LRRTM4: variants seen among roughly 807,000 people sequenced by gnomAD.
LRRTM4 encodes leucine rich repeat transmembrane neuronal 4.
A neutral mutation model predicts 47.6 loss-of-function variants in LRRTM4; 25 were observed. That is an observed-to-expected ratio of 0.53 (90% CI 0.38 to 0.73). The LOEUF is 0.73. LRRTM4 is among the 30% of genes least tolerant of loss of function. The pLI is 0.00. For synonymous variants in LRRTM4, 311 were observed against 269.5 expected, an observed-to-expected ratio of 1.15 and a Z score of -1.51; for missense variants, 638 against 713.4, an observed-to-expected ratio of 0.89 and a Z score of 1.20.
intron 3 of LRRTM4, among the ~76,000 whole-genome samples, chr2:76,766,836 A>G (rs1232206005): frequency 6.6e-6 from 1 of 152,188 alleles, no homozygotes; most frequent in African/African-American, 2.4e-5. Context: ...GTTTCTAAAC[A>G]TGCTACAATG....
intron 3 of LRRTM4, among the ~76,000 whole-genome samples, chr2:77,219,640 C>A (rs1356395480): frequency 6.6e-6 from 1 of 152,116 alleles, no homozygotes; most frequent in Non-Finnish European, 1.5e-5. Context: ...GACATTTTTG[C>A]ATCTTGGAAT....
At chr2:77,152,672 A>G (rs1188547566) in intron 3 of LRRTM4, among the ~76,000 whole-genome samples, 3 of 152,250 alleles carry the variant, frequency 2.0e-5, no homozygotes, top group Non-Finnish European at 2.9e-5. Context: ...TAGAGATAGT[A>G]ATTATACTTC....
At chr2:77,126,558 T>C (rs889452931) in intron 3 of LRRTM4, among the ~76,000 whole-genome samples, 1 of 152,184 alleles carries the variant, frequency 6.6e-6, no homozygotes, top group African/African-American at 2.4e-5. Context: ...AGAGACTATT[T>C]AAGAAAGACA....
At chr2:77,300,138 C>T (rs768900403) in intron 3 of LRRTM4, among the ~76,000 whole-genome samples, 3 of 152,144 alleles carry the variant, frequency 2.0e-5, no homozygotes, top group Admixed American at 6.5e-5. Context: ...GCAAGAGCCA[C>T]TGCACCTGGC....
At chr2:77,116,695 T>G (rs1671397130) in intron 3 of LRRTM4, among the ~76,000 whole-genome samples, 1 of 152,148 alleles carries the variant, frequency 6.6e-6, no homozygotes, top group Non-Finnish European at 1.5e-5. Context: ...TTTTCCATAT[T>G]GTAAGGACTC....
chr2:77,472,368 CTGAT>C (rs1454410329), intron 3 of LRRTM4, among the ~76,000 whole-genome samples: 2 of 152,104 alleles, frequency 1.3e-5, no homozygotes, highest in African/African-American at 2.4e-5. Context: ...AAATTACATA[CTGAT>C]TGATTGACAA....
intron 3 of LRRTM4, among the ~76,000 whole-genome samples, chr2:77,244,427 T>C (rs1573132455): frequency 6.6e-6 from 1 of 152,196 alleles, no homozygotes. Flanking sequence ...TTTTATTTAA[T>C]GTTATTCTAA....
At chr2:77,457,402 T>G (rs1460011057) in intron 3 of LRRTM4, among the ~76,000 whole-genome samples, 1 of 151,962 alleles carries the variant, frequency 6.6e-6, no homozygotes, top group Non-Finnish European at 1.5e-5. Flanking sequence ...TATCTGTACA[T>G]AATTCAATTA....
At chr2:77,301,761 T>A (rs1677138380) in intron 3 of LRRTM4, among the ~76,000 whole-genome samples, 1 of 152,132 alleles carries the variant, frequency 6.6e-6, no homozygotes, top group South Asian at 2.1e-4. Flanking sequence ...GAGCTGCAAA[T>A]GAATAGTATC....
chr2:76,814,588 A>T (rs1670844296), intron 3 of LRRTM4, among the ~76,000 whole-genome samples: 1 of 152,138 alleles, frequency 6.6e-6, no homozygotes, highest in South Asian at 2.1e-4. Flanking sequence ...CATAGAATTC[A>T]TGTTGTATTA....
chr2:77,194,202 A>C (rs1229020798), intron 3 of LRRTM4, among the ~76,000 whole-genome samples: 1 of 152,188 alleles, frequency 6.6e-6, no homozygotes, highest in African/African-American at 2.4e-5. Flanking sequence ...TGAGTATGGC[A>C]GAGAAGAAAA....
intron 3 of LRRTM4, among the ~76,000 whole-genome samples, chr2:76,979,079 C>T (rs1349998674): frequency 1.3e-5 from 2 of 152,008 alleles, no homozygotes; most frequent in Non-Finnish European, 2.9e-5. Flanking sequence ...GCTAAGTGGT[C>T]AATGAGGATA....
chr2:77,518,841 T>C lies in LRRTM4; in HGVS notation c.1028A>G (p.Lys343Arg). 19 of 1,609,548 alleles carry C rather than the reference T, an allele frequency of 1.2e-5. No individual in the cohort carries two copies. Among genetic ancestry groups the C allele is most frequent in the Non-Finnish European group, 1.6e-5 (19 of 1,177,544 alleles). ...KESTMICAGP[K>R]HIQGEKVSDA... ...ACTAACCTTTTCACCCTGGATGTGC[T>C]TAGGTCCCGCACATATCATGGTGCT... The change falls in exon 3 of 4, where the codon AAG becomes AGG. Residue 343 changes from lysine to arginine, a missense_variant. Coordinates refer to ENST00000409884, the MANE Select transcript of LRRTM4 (RefSeq NM_001134745.3).
At chr2:76,780,085 T>C (rs1486520426) in intron 3 of LRRTM4, among the ~76,000 whole-genome samples, 1 of 152,218 alleles carries the variant, frequency 6.6e-6, no homozygotes. Context: ...TGTTGAATAT[T>C]GGCCCCCACT....
At chr2:77,395,473 C>T (rs1278353274) in intron 3 of LRRTM4, among the ~76,000 whole-genome samples, 1 of 151,908 alleles carries the variant, frequency 6.6e-6, no homozygotes, top group Non-Finnish European at 1.5e-5. Context: ...GAGCTAGACC[C>T]CAAAGTAGCC....
intron 3 of LRRTM4, among the ~76,000 whole-genome samples, chr2:77,366,793 C>T (rs994221429): frequency 2.6e-5 from 4 of 151,838 alleles, no homozygotes; most frequent in Non-Finnish European, 4.4e-5. Context: ...AAACATCATT[C>T]GTATGCATTA....
intron 3 of LRRTM4, among the ~76,000 whole-genome samples, chr2:76,965,924 A>C (rs930520385): frequency 6.6e-6 from 1 of 151,426 alleles, no homozygotes; most frequent in Non-Finnish European, 1.5e-5. Context: ...GTACACCCTC[A>C]TAATAACTGT....
intron 3 of LRRTM4, among the ~76,000 whole-genome samples, chr2:76,837,192 T>A (rs1671538802): frequency 6.6e-6 from 1 of 152,188 alleles, no homozygotes; most frequent in Non-Finnish European, 1.5e-5. Flanking sequence ...TAGTATTCTC[T>A]GATGGTAGTT....
intron 3 of LRRTM4, among the ~76,000 whole-genome samples, chr2:77,411,213 A>G (rs1023604944): frequency 1.3e-5 from 2 of 152,130 alleles, no homozygotes; most frequent in Non-Finnish European, 2.9e-5. Context: ...GTCCACTGGC[A>G]GTCTACCTTA....
Sources: gnomAD v4.1 joint callset for allele counts (sites outside exome capture counted in the v4.1 genomes callset) on GRCh38, gnomAD v4.1.1 for gene constraint, MANE v1.5 for transcripts, NCBI Gene and HGNC (gene_info 2026-07-23, HGNC 2026-07-21) for gene names.